The following PLSCR2 variants were observed in gnomAD, a reference collection of about 807,000 sequenced individuals.
PLSCR2 encodes the protein PL scramblase 2.
In PLSCR2, 18 loss-of-function variants were observed where a neutral mutation model predicts 25.3. The observed-to-expected ratio is 0.71, with a 90% CI of 0.49 to 1.06. The LOEUF is 1.06. Ranked by LOEUF, PLSCR2 falls within the 50% of genes least tolerant of loss-of-function variation. PLSCR2 has a pLI of 0.00. For synonymous variants in PLSCR2, 88 were observed against 87.3 expected (o/e 1.01, Z -0.04); for missense variants, 243 against 269.5 (o/e 0.90, Z 0.69).
chr3:146,429,745 C>T (rs1479858232), downstream of PLSCR2, among the ~76,000 whole-genome samples: 1 of 152,074 alleles, frequency 6.6e-6, no homozygotes, highest in African/African-American at 2.4e-5. Context: ...CCTGCCTCAG[C>T]CTCCCGAGTA....
At chr3:146,399,079 TTTCC>T (rs1370013472) in intron 2 of PLSCR2, among the ~76,000 whole-genome samples, 2 of 151,884 alleles carry the variant, frequency 1.3e-5, no homozygotes, top group Non-Finnish European at 1.5e-5. Flanking sequence ...TGAAATTTAC[TTTCC>T]ATTTGCAAAA....
chr3:146,457,111 C>T (rs983080886), intron 3 of PLSCR2, among the ~76,000 whole-genome samples: 5 of 152,062 alleles, frequency 3.3e-5, no homozygotes, highest in South Asian at 2.1e-4. Context: ...TATCTAATCA[C>T]GTACTTTAAA....
At chr3:146,441,299 T>A (rs547199259), downstream of PLSCR2, among the ~76,000 whole-genome samples, 8 of 152,208 alleles carry the variant, frequency 5.3e-5, no homozygotes, top group African/African-American at 1.9e-4. Flanking sequence ...TAAAAGAAAC[T>A]GAAATTGTGT....
intron 1 of PLSCR2, among the ~76,000 whole-genome samples, chr3:146,473,142 T>G (rs925397229): frequency 6.6e-6 from 1 of 152,192 alleles, no homozygotes; most frequent in Non-Finnish European, 1.5e-5. Context: ...CAAAATGATT[T>G]GCCACATCTG....
At chr3:146,460,970 G>T (rs985221947), upstream of PLSCR2, among the ~76,000 whole-genome samples, 15 of 152,050 alleles carry the variant, frequency 9.9e-5, no homozygotes, top group Non-Finnish European at 1.9e-4. Context: ...CACATAATTT[G>T]AGAAAATTAA....
downstream of PLSCR2, among the ~76,000 whole-genome samples, chr3:146,430,515 C>T (rs561525552): frequency 6.6e-6 from 1 of 152,154 alleles, no homozygotes; most frequent in South Asian, 2.1e-4. Context: ...CATTTTAAAT[C>T]ATTCTGTCCT....
chr3:146,483,115 C>T (rs904335357), intron 1 of PLSCR2, among the ~76,000 whole-genome samples: 2 of 151,576 alleles, frequency 1.3e-5, no homozygotes, highest in African/African-American at 4.9e-5. Context: ...TTTAGAAAAC[C>T]CCATCATCTC....
At chr3:146,490,160 A>G (rs1340990301) in intron 1 of PLSCR2, among the ~76,000 whole-genome samples, 1 of 152,088 alleles carries the variant, frequency 6.6e-6, no homozygotes, top group African/African-American at 2.4e-5. Context: ...TGCTCCCAAA[A>G]CACAATAATG....
intron 3 of PLSCR2, among the ~76,000 whole-genome samples, chr3:146,458,180 A>G (rs2041331672): frequency 6.6e-6 from 1 of 152,194 alleles, no homozygotes; most frequent in Non-Finnish European, 1.5e-5. Flanking sequence ...GGTTGATTTA[A>G]TTCACACAGG....
chr3:146,470,173 G>A (rs1044083093), intron 1 of PLSCR2, among the ~76,000 whole-genome samples: 10 of 152,002 alleles, frequency 6.6e-5, no homozygotes, highest in Non-Finnish European at 1.5e-4. Context: ...AATTTTTCAG[G>A]ACGCGCCTTT....
intron 5 of PLSCR2, among the ~76,000 whole-genome samples, chr3:146,451,107 CTTTTTTTTTTTTTT>C (rs58373001): frequency 1.3e-5 from 1 of 79,482 alleles, no homozygotes; most frequent in Non-Finnish European, 2.3e-5. Context: ...ATTAAGTTTT[CTTTTTTTTTTTTTT>C]TTTTTTTTTT....
chr3:146,433,025 C>G (rs2039609142), downstream of PLSCR2, among the ~76,000 whole-genome samples: 1 of 152,090 alleles, frequency 6.6e-6, no homozygotes, highest in Non-Finnish European at 1.5e-5. Context: ...TATTTGTTTG[C>G]TAGGTCTTAA....
intron 2 of PLSCR2, among the ~76,000 whole-genome samples, chr3:146,410,616 G>T (rs2108037108): frequency 6.6e-6 from 1 of 152,282 alleles, no homozygotes; most frequent in East Asian, 1.9e-4. Context: ...CAGCACTAAG[G>T]ACCTTGAAGA....
downstream of PLSCR2, among the ~76,000 whole-genome samples, chr3:146,436,867 A>G (rs1011925536): frequency 2.0e-5 from 3 of 152,102 alleles, no homozygotes; most frequent in African/African-American, 7.2e-5. Context: ...TTCAAAGGGA[A>G]TGCTTCCAGT....
chr3:146,486,730 C>T (rs1313782596), intron 1 of PLSCR2, among the ~76,000 whole-genome samples: 1 of 151,902 alleles, frequency 6.6e-6, no homozygotes, highest in African/African-American at 2.4e-5. Flanking sequence ...CTGAATTCTA[C>T]CAGAAATACA....
At chr3:146,407,649 G>A (rs372156597) in intron 2 of PLSCR2, among the ~76,000 whole-genome samples, 3 of 152,078 alleles carry the variant, frequency 2.0e-5, no homozygotes, top group South Asian at 2.1e-4. Flanking sequence ...GGTAGATAGC[G>A]TCATGTACAT....
chr3:146,475,008 C>T (rs1485901178), intron 1 of PLSCR2, among the ~76,000 whole-genome samples: 1 of 151,882 alleles, frequency 6.6e-6, no homozygotes, highest in Admixed American at 6.6e-5. Flanking sequence ...TTGTTCCTCC[C>T]TAAACTGGTT....
intron 1 of PLSCR2, among the ~76,000 whole-genome samples, chr3:146,488,268 G>T (rs1263848074): frequency 6.6e-6 from 1 of 152,004 alleles, no homozygotes; most frequent in East Asian, 1.9e-4. Flanking sequence ...ACAAGAATGA[G>T]AAAATATTTC....
At chr3:146,429,850 C>T (rs1382697132), downstream of PLSCR2, among the ~76,000 whole-genome samples, 1 of 152,088 alleles carries the variant, frequency 6.6e-6, no homozygotes, top group African/African-American at 2.4e-5. Context: ...TGGTCTCGAT[C>T]TCCTGACCGT....
Sources: gnomAD v4.1 joint callset for allele counts (sites outside exome capture counted in the v4.1 genomes callset) on GRCh38, gnomAD v4.1.1 for gene constraint, MANE v1.5 for transcripts, NCBI Gene and HGNC (gene_info 2026-07-23, HGNC 2026-07-21) for gene names.